ST6GALNAC3: variants seen among roughly 807,000 people sequenced by gnomAD.
ST6GALNAC3 encodes the protein ST6 N-acetylgalactosaminide alpha-2,6-sialyltransferase 3.
A neutral mutation model predicts 32.7 loss-of-function variants in ST6GALNAC3; 25 were observed. The ratio of observed to expected loss-of-function variants is 0.76; its 90% CI spans 0.56 to 1.07. The LOEUF is 1.07. ST6GALNAC3 is among the 50% of genes least tolerant of loss of function. The pLI is 0.00. For synonymous variants in ST6GALNAC3, 129 were observed against 133.1 expected, an observed-to-expected ratio of 0.97 and a Z score of 0.21; for missense variants, 355 against 382.4, an observed-to-expected ratio of 0.93 and a Z score of 0.60.
intron 1 of ST6GALNAC3, among the ~76,000 whole-genome samples, chr1:76,116,009 T>C (rs1648444773): frequency 6.6e-6 from 1 of 152,112 alleles, no homozygotes; most frequent in South Asian, 2.1e-4. Flanking sequence ...ATTAAGCTTG[T>C]TGTATGATAG....
At chr1:76,287,062 C>CTT (rs34507630) in intron 1 of ST6GALNAC3, among the ~76,000 whole-genome samples, 1 of 152,136 alleles carries the variant, frequency 6.6e-6, no homozygotes, top group African/African-American at 2.4e-5. Flanking sequence ...TTGATGATAA[C>CTT]TTTTTTAAAA....
intron 3 of ST6GALNAC3, among the ~76,000 whole-genome samples, chr1:76,447,381 A>G (rs1033461981): frequency 1.3e-5 from 2 of 152,232 alleles, no homozygotes; most frequent in African/African-American, 4.8e-5. Flanking sequence ...TAAAAGGGAA[A>G]CAGCACAACA....
chr1:76,502,825 C>T (rs894727337), intron 3 of ST6GALNAC3, among the ~76,000 whole-genome samples: 8 of 152,160 alleles, frequency 5.3e-5, no homozygotes, highest in Admixed American at 2.0e-4. Context: ...TCCAAACGTA[C>T]ACCTGCCTTA....
At chr1:76,328,438 A>G (rs1163837426) in intron 2 of ST6GALNAC3, among the ~76,000 whole-genome samples, 1 of 152,188 alleles carries the variant, frequency 6.6e-6, no homozygotes, top group African/African-American at 2.4e-5. Context: ...GCTGATAGGA[A>G]TAACAGCCAC....
chr1:76,592,970 A>G (rs1030446931), intron 3 of ST6GALNAC3, among the ~76,000 whole-genome samples: 5 of 150,878 alleles, frequency 3.3e-5, no homozygotes, highest in African/African-American at 9.9e-5. Flanking sequence ...TCCACATACA[A>G]AGAACCAGAA....
chr1:76,160,423 A>C (rs1411482086), intron 1 of ST6GALNAC3, among the ~76,000 whole-genome samples: 3 of 152,138 alleles, frequency 2.0e-5, no homozygotes, highest in Non-Finnish European at 4.4e-5. Flanking sequence ...GCCTCGCAAT[A>C]GTCTAGGTGA....
chr1:76,502,545 A>G (rs939217113), intron 3 of ST6GALNAC3, among the ~76,000 whole-genome samples: 3 of 152,076 alleles, frequency 2.0e-5, no homozygotes, highest in Non-Finnish European at 2.9e-5. Flanking sequence ...ATATCTCTTC[A>G]CATAATCTTC....
chr1:76,614,604 A>G (rs1312588989), intron 3 of ST6GALNAC3, among the ~76,000 whole-genome samples: 1 of 151,776 alleles, frequency 6.6e-6, no homozygotes, highest in Non-Finnish European at 1.5e-5. Context: ...CTGTAGTCCC[A>G]GCTACTCGGC....
chr1:76,238,400 G>A (rs1269331483), intron 1 of ST6GALNAC3, among the ~76,000 whole-genome samples: 1 of 152,224 alleles, frequency 6.6e-6, no homozygotes, highest in Admixed American at 6.5e-5. Flanking sequence ...TTAGCCAGGA[G>A]ATGCCAAATA....
intron 3 of ST6GALNAC3, among the ~76,000 whole-genome samples, chr1:76,571,578 T>C (rs1323121945): frequency 6.6e-6 from 1 of 152,130 alleles, no homozygotes; most frequent in Admixed American, 6.6e-5. Context: ...ATCAGAAGTA[T>C]TTACTATCTT....
chr1:76,220,174 A>C (rs1419518058), intron 1 of ST6GALNAC3, among the ~76,000 whole-genome samples: 2 of 152,200 alleles, frequency 1.3e-5, no homozygotes, highest in Non-Finnish European at 2.9e-5. Context: ...ATTTCACCAG[A>C]AGTATGAAGA....
At chr1:76,532,334 G>A (rs1188949078) in intron 3 of ST6GALNAC3, among the ~76,000 whole-genome samples, 1 of 152,168 alleles carries the variant, frequency 6.6e-6, no homozygotes, top group Non-Finnish European at 1.5e-5. Context: ...CAAGTGTATT[G>A]ATTGACATTT....
chr1:76,226,959 ATGGGTTTAAC>A lies in ST6GALNAC3; in HGVS notation c.19-86842_19-86833del, dbSNP rs536780324. On this transcript the variant is annotated intron_variant, in intron 1 of 4. Coordinates refer to ENST00000328299, the MANE Select transcript of ST6GALNAC3 (RefSeq NM_152996.4). ...TGAGAGAGTAATTTCAGTTTCTAGG[ATGGGTTTAAC>A]TGGCTTTCATGATAAAAAGAGAAAT... 2.1e-3 allele frequency among the ~76,000 whole-genome samples: 318 copies of A among 152,260 alleles called. 3 individuals are homozygous for A. Among genetic ancestry groups the A allele is most frequent in the African/African-American group, 7.0e-3 (292 of 41,540 alleles).
At chr1:76,157,140 A>AACC (rs539546882) in intron 1 of ST6GALNAC3, among the ~76,000 whole-genome samples, 19,570 of 152,148 alleles carry the variant, frequency 0.13, 1,604 homozygotes, top group Non-Finnish European at 0.19. Context: ...ACAGCAAGAA[A>AACC]ACATGTGCAT....
chr1:76,234,536 AAAGCCTT>A (rs1157052256), intron 1 of ST6GALNAC3, among the ~76,000 whole-genome samples: 1 of 152,218 alleles, frequency 6.6e-6, no homozygotes, highest in Non-Finnish European at 1.5e-5. Context: ...ATCTCTAGCT[AAAGCCTT>A]ATGTGCTATA....
intron 1 of ST6GALNAC3, among the ~76,000 whole-genome samples, chr1:76,157,146 T>C (rs547797072): frequency 6.6e-6 from 1 of 152,076 alleles, no homozygotes; most frequent in Non-Finnish European, 1.5e-5. Context: ...AGAAAACATG[T>C]GCATGTGAAC....
intron 3 of ST6GALNAC3, among the ~76,000 whole-genome samples, chr1:76,498,542 G>T (rs1660993546): frequency 1.3e-5 from 2 of 152,152 alleles, no homozygotes; most frequent in Admixed American, 6.6e-5. Flanking sequence ...AGCTGATTTA[G>T]TTGATCCTGC....
At chr1:76,491,174 C>T (rs1387713865) in intron 3 of ST6GALNAC3, among the ~76,000 whole-genome samples, 2 of 151,958 alleles carry the variant, frequency 1.3e-5, no homozygotes, top group Admixed American at 6.6e-5. Context: ...TTTTCTTTTT[C>T]TTGCTCCTCA....
intron 3 of ST6GALNAC3, among the ~76,000 whole-genome samples, chr1:76,427,658 C>T (rs1655487774): frequency 6.6e-6 from 1 of 152,106 alleles, no homozygotes; most frequent in Non-Finnish European, 1.5e-5. Context: ...ATATGAGCTA[C>T]TTTGAACTTT....
Sources: allele counts gnomAD v4.1 joint callset (sites outside exome capture counted in the v4.1 genomes callset), GRCh38; gene constraint gnomAD v4.1.1; transcripts MANE v1.5; gene names NCBI Gene and HGNC (gene_info 2026-07-23, HGNC 2026-07-21).